The following SLC4A10 variants were observed in gnomAD, a reference collection of about 807,000 sequenced individuals.
SLC4A10 encodes the protein sodium-driven chloride bicarbonate exchanger.
SLC4A10 carries 42 observed loss-of-function variants against 137.7 expected under a neutral mutation model. That is an observed-to-expected ratio of 0.30 (90% CI 0.24 to 0.39). SLC4A10 has a LOEUF of 0.39. SLC4A10 is among the 10% of genes least tolerant of loss of function. The probability of loss-of-function intolerance (pLI) is 1.00; values close to 1 mark genes in which losing one functional copy is unlikely to be tolerated. For missense variants in SLC4A10, 925 were observed against 1,355.0 expected, an observed-to-expected ratio of 0.68 and a Z score of 4.98; for synonymous variants, 474 against 464.1, an observed-to-expected ratio of 1.02 and a Z score of -0.27.
At chr2:161,903,968 T>G in intron 12 of SLC4A10, 36 bp from the exon 13 acceptor site, 5 of 1,519,618 alleles carry the variant, frequency 3.3e-6, no homozygotes, top group Non-Finnish European at 3.5e-6. Flanking sequence ...TTTTTTATAT[T>G]TGGGTTTCAC....
chr2:161,650,093 T>A (rs2036576391), intron 1 of SLC4A10, among the ~76,000 whole-genome samples: 1 of 152,228 alleles, frequency 6.6e-6, no homozygotes, highest in African/African-American at 2.4e-5. Flanking sequence ...CCAGTTCTCA[T>A]CAAGAATACA....
At chr2:161,926,136 A>C (rs929782555) in intron 15 of SLC4A10, among the ~76,000 whole-genome samples, 2 of 151,952 alleles carry the variant, frequency 1.3e-5, no homozygotes, top group African/African-American at 4.8e-5. Context: ...TGATCTGTCT[A>C]ATGTTGACAG....
At chr2:161,762,342 G>A (rs1212113233) in intron 1 of SLC4A10, among the ~76,000 whole-genome samples, 1 of 152,016 alleles carries the variant, frequency 6.6e-6, no homozygotes, top group Non-Finnish European at 1.5e-5. Flanking sequence ...TTAAAAGTTA[G>A]GTTTGACTTA....
chr2:161,945,719 T>A (rs1028341658), intron 16 of SLC4A10, among the ~76,000 whole-genome samples: 18 of 151,866 alleles, frequency 1.2e-4, no homozygotes, highest in African/African-American at 4.3e-4. Flanking sequence ...AAAATTAGCA[T>A]TTTGTTTCCT....
Position 161,966,399 on chromosome 2 carries a change from GTTA to G in SLC4A10, c.3159+1232_3159+1234del, listed in dbSNP as rs202244602. Among the ~76,000 whole-genome samples, 47 of 152,100 alleles carry G rather than the reference GTTA, an allele frequency of 3.1e-4. No homozygotes were observed. In the East Asian group the frequency reaches 7.3e-3, roughly 24 times the overall value. On this transcript the variant is annotated intron_variant, in intron 23 of 26. Coordinates refer to ENST00000446997, the MANE Select transcript of SLC4A10 (RefSeq NM_001178015.2). Reference sequence around the variant, plus strand: ...ACACAAAAAATGATATTATACAATTGTTATTATTTATTTTTCTGTTTGATATAT... The same window carrying G: ...ACACAAAAAATGATATTATACAATTGTTATTTATTTTTCTGTTTGATATAT...
chr2:161,725,744 A>T (rs4664048), intron 1 of SLC4A10, among the ~76,000 whole-genome samples: 126,246 of 152,200 alleles, frequency 0.83, 52,439 homozygotes, highest in Middle Eastern at 0.88. Flanking sequence ...AATTTTCCTA[A>T]TGTATTGGCT....
intron 1 of SLC4A10, among the ~76,000 whole-genome samples, chr2:161,757,368 C>T (rs2049768429): frequency 6.6e-6 from 1 of 152,120 alleles, no homozygotes; most frequent in Non-Finnish European, 1.5e-5. Flanking sequence ...AATTAAGCTC[C>T]TGATTCTTCA....
At position 161,659,066 on chromosome 2, in the gene SLC4A10, G is replaced by GA. The variant is rs201752321; in HGVS notation, c.48+34509dup. Among the ~76,000 whole-genome samples the GA allele has an allele frequency of 1.0e-3, 155 of 149,930 alleles. 2 individuals are homozygous for GA. The South Asian group carries it at 0.016, about 15-fold the overall frequency. Reference sequence around the variant, plus strand: ...CCCACTACTGGGTACATATCCAAAGGAAAAAAAAATCATTATATAAAAAAG... The same window carrying GA: ...CCCACTACTGGGTACATATCCAAAGGAAAAAAAAAATCATTATATAAAAAAG... On this transcript the variant is annotated intron_variant, in intron 1 of 26. Transcript: ENST00000446997.
intron 1 of SLC4A10, among the ~76,000 whole-genome samples, chr2:161,730,331 A>G (rs2046687059): frequency 6.6e-6 from 1 of 152,222 alleles, no homozygotes; most frequent in Non-Finnish European, 1.5e-5. Flanking sequence ...GGAAAAAAAT[A>G]AAACAAATGC....
chr2:161,847,893 T>C (rs1389950140), intron 4 of SLC4A10, among the ~76,000 whole-genome samples: 1 of 152,164 alleles, frequency 6.6e-6, no homozygotes, highest in Non-Finnish European at 1.5e-5. Context: ...ATATACTGAG[T>C]AATAGGATTG....
chr2:161,921,057 T>A lies in SLC4A10; in HGVS notation c.1997+15170T>A, dbSNP rs200941546. On this transcript the variant is annotated intron_variant, in intron 15 of 26. Coordinates refer to ENST00000446997, the MANE Select transcript of SLC4A10 (RefSeq NM_001178015.2). The stretch of plus-strand genomic sequence containing the variant: ...ACAGTTAAATAATTGCAATGTGATA[T>A]AACAAGCACTATACAAGGTGTCTGT... Among the ~76,000 whole-genome samples, 3 of 152,184 alleles carry A rather than the reference T, an allele frequency of 2.0e-5. No individual in the cohort carries two copies. The East Asian group carries it at 5.8e-4, about 29-fold the overall frequency.
intron 1 of SLC4A10, among the ~76,000 whole-genome samples, chr2:161,726,471 G>T (rs914224868): frequency 6.6e-6 from 1 of 152,116 alleles, no homozygotes; most frequent in Non-Finnish European, 1.5e-5. Flanking sequence ...AAAAATTGAC[G>T]AAATTTTGTA....
intron 1 of SLC4A10, among the ~76,000 whole-genome samples, chr2:161,638,951 G>A (rs76220469): frequency 0.076 from 11,452 of 151,632 alleles, 544 homozygotes; most frequent in East Asian, 0.14. Flanking sequence ...AGATAAAAAA[G>A]GAGACATTTC....
intron 1 of SLC4A10, among the ~76,000 whole-genome samples, chr2:161,721,406 C>T (rs1039807950): frequency 2.6e-5 from 4 of 152,072 alleles, no homozygotes; most frequent in South Asian, 2.1e-4. Flanking sequence ...TCAGTATTTG[C>T]GTGTCTGAAA....
chr2:161,841,957 T>C (rs1267643905), intron 4 of SLC4A10, among the ~76,000 whole-genome samples: 1 of 152,208 alleles, frequency 6.6e-6, no homozygotes, highest in Non-Finnish European at 1.5e-5. Flanking sequence ...ACAGTGTTCA[T>C]ATCTTATCTT....
At chr2:161,797,259 G>A (rs926378614) in intron 2 of SLC4A10, among the ~76,000 whole-genome samples, 2 of 151,932 alleles carry the variant, frequency 1.3e-5, no homozygotes, top group Admixed American at 1.3e-4. Context: ...TTTTGCTCAC[G>A]TTATCTCCTT....
intron 1 of SLC4A10, among the ~76,000 whole-genome samples, chr2:161,706,022 G>A (rs1284881569): frequency 6.6e-6 from 1 of 151,534 alleles, no homozygotes; most frequent in Non-Finnish European, 1.5e-5. Context: ...TTCTAAAAAT[G>A]GGAGATCATA....
chr2:161,680,119 C>A (rs937297233), intron 1 of SLC4A10, among the ~76,000 whole-genome samples: 1 of 152,084 alleles, frequency 6.6e-6, no homozygotes, highest in African/African-American at 2.4e-5. Flanking sequence ...AAAACCATTT[C>A]GGATCCACCA....
intron 1 of SLC4A10, among the ~76,000 whole-genome samples, chr2:161,633,958 A>G (rs1477359703): frequency 2.0e-5 from 3 of 151,826 alleles, no homozygotes; most frequent in Non-Finnish European, 4.4e-5. Flanking sequence ...CAGAATTCCC[A>G]TATCCTTTTC....
Sources: allele counts gnomAD v4.1 joint callset (sites outside exome capture counted in the v4.1 genomes callset), GRCh38; gene constraint gnomAD v4.1.1; transcripts MANE v1.5; gene names NCBI Gene and HGNC (gene_info 2026-07-23, HGNC 2026-07-21).